The following CCDC81 variants were observed in gnomAD, a reference collection of about 807,000 sequenced individuals.
The protein encoded by CCDC81 is coiled-coil domain-containing protein 81.
In CCDC81, 79 loss-of-function variants were observed where a neutral mutation model predicts 83.7. The observed-to-expected ratio is 0.94, with a 90% CI of 0.79 to 1.14. The LOEUF is 1.14. Ranked by LOEUF, CCDC81 falls within the 50% of genes most tolerant of loss-of-function variation. The pLI is 0.00. For synonymous variants in CCDC81, 252 were observed against 278.1 expected (o/e 0.91, Z 0.93); for missense variants, 791 against 778.1 (o/e 1.02, Z -0.20).
At chr11:86,404,513 C>T (rs796403323) in intron 7 of CCDC81, among the ~76,000 whole-genome samples, 10 of 152,254 alleles carry the variant, frequency 6.6e-5, no homozygotes, top group African/African-American at 2.4e-4. Flanking sequence ...TGACTTCTGA[C>T]AGATGGAGTT....
intron 5 of CCDC81, among the ~76,000 whole-genome samples, chr11:86,396,970 C>G (rs992698986): frequency 3.9e-5 from 6 of 152,106 alleles, no homozygotes; most frequent in African/African-American, 1.4e-4. Flanking sequence ...CTTAAATACT[C>G]AAAACAATTG....
chr11:86,400,645 G>T, intron 6 of CCDC81, 33 bp from the exon 7 acceptor site: 1 of 1,568,224 alleles, frequency 6.4e-7, no homozygotes, highest in South Asian at 1.2e-5. Context: ...GAGTTGAAAG[G>T]AGACTCGTTT....
At chr11:86,385,307 C>A (rs1240097189) in intron 1 of CCDC81, among the ~76,000 whole-genome samples, 1 of 152,120 alleles carries the variant, frequency 6.6e-6, no homozygotes, top group Non-Finnish European at 1.5e-5. Context: ...CTCGTTTGAA[C>A]CCGGGAGGCG....
At chr11:86,420,089 C>G in intron 14 of CCDC81, 36 bp downstream of exon 14, 1 of 1,599,668 alleles carries the variant, frequency 6.3e-7, no homozygotes, top group Non-Finnish European at 8.5e-7. Context: ...TTCTCCTGCT[C>G]CTTGTGGGAC....
rs200365237 is a variant in CCDC81 at position 86,400,802 on chromosome 11, G to T, written c.881+1G>T. ...GTGGGAAGATTATGACCCCTGAAAG[G>T]TAATGCATTGACTTTTTTTTTTCTG... On this transcript the variant is annotated splice_donor_variant, in intron 7 of 14. Coordinates refer to ENST00000445632, the MANE Select transcript of CCDC81 (RefSeq NM_001156474.2). LOFTEE classifies it high-confidence loss of function. 6.3e-7 allele frequency: 1 copy of T among 1,591,014 alleles called. No individual in the cohort carries two copies.
At chr11:86,404,615 G>T (rs12293545) in intron 7 of CCDC81, among the ~76,000 whole-genome samples, 13,296 of 152,212 alleles carry the variant, frequency 0.087, 1,109 homozygotes, top group African/African-American at 0.21. Flanking sequence ...AAAGATGGAA[G>T]AATTGAGCTC....
At chr11:86,405,480 C>A (rs1948552221) in intron 7 of CCDC81, among the ~76,000 whole-genome samples, 1 of 152,110 alleles carries the variant, frequency 6.6e-6, no homozygotes, top group African/African-American at 2.4e-5. Context: ...TTGAACCTAT[C>A]TTTACTGTCT....
intron 11 of CCDC81, among the ~76,000 whole-genome samples, chr11:86,413,989 A>T (rs997407213): frequency 6.6e-6 from 1 of 152,248 alleles, no homozygotes; most frequent in African/African-American, 2.4e-5. Flanking sequence ...GATGAAAAAA[A>T]TCTATTTCTA....
chr11:86,420,730 T>G (rs1021735838), intron 14 of CCDC81, among the ~76,000 whole-genome samples: 1 of 152,244 alleles, frequency 6.6e-6, no homozygotes, highest in Non-Finnish European at 1.5e-5. Context: ...GAATGGATCT[T>G]GATCTGTAAC....
intron 3 of CCDC81, among the ~76,000 whole-genome samples, chr11:86,391,303 T>G (rs966466469): frequency 1.3e-5 from 2 of 152,244 alleles, no homozygotes; most frequent in Non-Finnish European, 2.9e-5. Context: ...CAGGTCTTGT[T>G]AATTTTCATC....
In CCDC81 at chr11:86,395,361, T is replaced by C. The variant is rs1948391820; in HGVS notation, c.583T>C (p.Ser195Pro). ...GCCTGGCACTGTGGACTCGGTGTTG[T>C]CTAGCAGAGAGGCCTTGAGGAAGTG... The part of the protein sequence containing the change: ...NRPGTVDSVL[S>P]SREALRKWPS... The change falls in exon 5 of 15, where the codon TCT becomes CCT. Residue 195 changes from serine to proline, a missense_variant. Coordinates refer to ENST00000445632, the MANE Select transcript of CCDC81 (RefSeq NM_001156474.2). 6.2e-7 allele frequency: 1 copy of C among 1,614,060 alleles called. No homozygotes were observed. The highest frequency in any genetic ancestry group is 8.5e-7 in the Non-Finnish European group (1 of 1,179,954).
intron 1 of CCDC81, among the ~76,000 whole-genome samples, chr11:86,380,580 C>G (rs1222477058): frequency 6.6e-6 from 1 of 152,104 alleles, no homozygotes; most frequent in East Asian, 1.9e-4. Context: ...ATTATGGGTA[C>G]ACACCTTCTG....
At chr11:86,413,063 TG>T (rs1948668945) in intron 11 of CCDC81, among the ~76,000 whole-genome samples, 1 of 151,930 alleles carries the variant, frequency 6.6e-6, no homozygotes, top group Non-Finnish European at 1.5e-5. Flanking sequence ...TTTTATTGAG[TG>T]GAAGTAGCTT....
chr11:86,398,823 T>G (rs74894713), intron 6 of CCDC81, among the ~76,000 whole-genome samples: 3 of 152,306 alleles, frequency 2.0e-5, no homozygotes, highest in African/African-American at 7.2e-5. Flanking sequence ...TCCGCCTGCC[T>G]TGGCCTCCCA....
chr11:86,388,657 T>G (rs1948281987), intron 3 of CCDC81, among the ~76,000 whole-genome samples: 1 of 152,246 alleles, frequency 6.6e-6, no homozygotes, highest in Non-Finnish European at 1.5e-5. Flanking sequence ...AGGTATATAT[T>G]CAGTATGGTG....
intron 3 of CCDC81, among the ~76,000 whole-genome samples, chr11:86,388,846 G>A (rs1021304917): frequency 2.6e-5 from 4 of 152,090 alleles, no homozygotes; most frequent in Admixed American, 2.6e-4. Context: ...AAAAACATCT[G>A]TGCATTAAAA....
intron 11 of CCDC81, 118 bp downstream of exon 11, chr11:86,412,677 AAACTAACCC>A (rs1327322609): frequency 1.5e-4 from 133 of 896,594 alleles, no homozygotes; most frequent in Non-Finnish European, 2.1e-4. Flanking sequence ...CCAACTGAGC[AAACTAACCC>A]AGTTAGCAGC....
chr11:86,399,947 A>C (rs915238452), intron 6 of CCDC81, among the ~76,000 whole-genome samples: 3 of 149,154 alleles, frequency 2.0e-5, no homozygotes, highest in African/African-American at 7.4e-5. Context: ...ACATGGCGAA[A>C]CCCCATCTCT....
chr11:86,418,372 T>C lies in CCDC81; in HGVS notation c.1692-1556T>C, dbSNP rs935850419. On this transcript the variant is annotated intron_variant, in intron 13 of 14. Transcript: ENST00000445632. The stretch of plus-strand genomic sequence containing the variant: ...CCTTCTGGATATGTATTCAAAAAAA[T>C]TGAAAGCTGATCTCAAAAGATATCT... Among the ~76,000 whole-genome samples, 7 of 152,280 alleles carry C rather than the reference T, an allele frequency of 4.6e-5. No individual in the cohort carries two copies. The South Asian group carries it at 8.3e-4, about 18-fold the overall frequency.
Sources: gnomAD v4.1 joint callset for allele counts (sites outside exome capture counted in the v4.1 genomes callset) on GRCh38, gnomAD v4.1.1 for gene constraint, MANE v1.5 for transcripts, NCBI Gene and HGNC (gene_info 2026-07-23, HGNC 2026-07-21) for gene names.